The following PHF21B variants were observed in gnomAD, a reference collection of about 807,000 sequenced individuals.
The protein encoded by PHF21B is PHD finger protein 21B.
PHF21B carries 22 observed loss-of-function variants against 62.2 expected under a neutral mutation model. The ratio of observed to expected loss-of-function variants is 0.35; its 90% CI spans 0.25 to 0.51. PHF21B has a LOEUF of 0.51. PHF21B is among the 20% of genes least tolerant of loss of function. PHF21B has a pLI of 0.97. For synonymous variants in PHF21B, 341 were observed against 314.7 expected (o/e 1.08, Z -0.88); for missense variants, 701 against 707.9 (o/e 0.99, Z 0.11).
intron 2 of PHF21B, among the ~76,000 whole-genome samples, chr22:44,922,721 T>A (rs868315709): frequency 6.6e-6 from 1 of 152,136 alleles, no homozygotes; most frequent in Non-Finnish European, 1.5e-5. Context: ...CCATTTGCAA[T>A]AGCATCAATA....
At chr22:44,983,376 A>C (rs1447353542) in intron 2 of PHF21B, among the ~76,000 whole-genome samples, 1 of 152,084 alleles carries the variant, frequency 6.6e-6, no homozygotes, top group African/African-American at 2.4e-5. Context: ...GCTCTTAGGG[A>C]GGTCCAGCTG....
At chr22:44,895,049 G>T (rs1023079332) in intron 6 of PHF21B, among the ~76,000 whole-genome samples, 2 of 152,228 alleles carry the variant, frequency 1.3e-5, no homozygotes, top group African/African-American at 4.8e-5. Flanking sequence ...GAAGAGGAAC[G>T]CTAGGCGAAC....
At chr22:44,938,440 G>A (rs760962188) in intron 2 of PHF21B, among the ~76,000 whole-genome samples, 6 of 152,206 alleles carry the variant, frequency 3.9e-5, no homozygotes, top group Non-Finnish European at 8.8e-5. Flanking sequence ...CTCCATGTTG[G>A]CCAGGCTGGT....
intron 2 of PHF21B, among the ~76,000 whole-genome samples, chr22:44,955,677 C>T (rs1028115625): frequency 6.6e-6 from 1 of 152,198 alleles, no homozygotes; most frequent in Non-Finnish European, 1.5e-5. Flanking sequence ...ACCCACCAGA[C>T]CCTCAGGCCT....
Position 44,933,349 on chromosome 22 carries a change from G to A in PHF21B, c.121-12859C>T, listed in dbSNP as rs982528391. On this transcript the variant is annotated intron_variant, in intron 2 of 12. Coordinates refer to ENST00000313237, the MANE Select transcript of PHF21B (RefSeq NM_138415.5). Reference sequence around the variant, plus strand: ...TGGTCTCGAACTCCCGCCATCAGGGGATCCGTCCGCCTCGGCCTCCGAAAG... The same window carrying A: ...TGGTCTCGAACTCCCGCCATCAGGGAATCCGTCCGCCTCGGCCTCCGAAAG... 3.8e-5 allele frequency: 22 copies of A among 573,230 alleles called. No homozygotes were observed. The Middle Eastern group carries it at 2.7e-3, about 69-fold the overall frequency. The allele number at this position is 573,230 out of a possible 1,614,324, so 35.5% of individuals were successfully genotyped here.
rs189063159 is a variant in PHF21B at position 44,897,546 on chromosome 22, C to A, written c.832-1463G>T. Among the ~76,000 whole-genome samples, 404 of 152,230 alleles carry A rather than the reference C, an allele frequency of 2.7e-3. 2 individuals carry two copies. Among genetic ancestry groups the A allele is most frequent in the African/African-American group, 9.4e-3 (389 of 41,520 alleles). On this transcript the variant is annotated intron_variant, in intron 5 of 12. Coordinates refer to ENST00000313237, the MANE Select transcript of PHF21B (RefSeq NM_138415.5). Reference sequence around the variant, plus strand: ...ACAACTCCTGGAGCCTCACTCAAGGCCGGCCACAGAGTAGGTGCTCGTGAG... The same window carrying A: ...ACAACTCCTGGAGCCTCACTCAAGGACGGCCACAGAGTAGGTGCTCGTGAG...
chr22:44,979,348 C>T (rs1372480231), intron 2 of PHF21B, among the ~76,000 whole-genome samples: 1 of 152,212 alleles, frequency 6.6e-6, no homozygotes, highest in Non-Finnish European at 1.5e-5. Flanking sequence ...GCCAACACTC[C>T]AGAGGCTGTC....
At chr22:44,977,289 C>A (rs77364102) in intron 2 of PHF21B, among the ~76,000 whole-genome samples, 10,700 of 151,870 alleles carry the variant, frequency 0.07, 511 homozygotes, top group South Asian at 0.12. Context: ...AGGCCAGGCA[C>A]GGTGGTGGCT....
At chr22:44,920,521 A>T in intron 2 of PHF21B, 31 bp from the exon 3 acceptor site, 1 of 1,561,650 alleles carries the variant, frequency 6.4e-7, no homozygotes, top group Non-Finnish European at 8.7e-7. Flanking sequence ...ACGCTGAGAC[A>T]GGAGGAGCAG....
chr22:44,930,517 T>G (rs1404237818), intron 2 of PHF21B, among the ~76,000 whole-genome samples: 1 of 113,818 alleles, frequency 8.8e-6, no homozygotes, highest in Non-Finnish European at 1.7e-5. Context: ...ATGTTACCAG[T>G]GGGCAGTCAG....
chr22:44,916,676 G>A, intron 3 of PHF21B, 46 bp from the exon 4 acceptor site: 1 of 1,559,540 alleles, frequency 6.4e-7, no homozygotes, highest in Non-Finnish European at 8.7e-7. Context: ...AGACACACAG[G>A]AGTGCAGGGG....
intron 2 of PHF21B, among the ~76,000 whole-genome samples, chr22:44,990,777 T>C (rs1216099515): frequency 1.3e-5 from 2 of 152,222 alleles, no homozygotes; most frequent in African/African-American, 4.8e-5. Context: ...CGTGAATATA[T>C]CTAATGTTGC....
At chr22:44,974,139 T>G (rs1390359633) in intron 2 of PHF21B, among the ~76,000 whole-genome samples, 1 of 152,048 alleles carries the variant, frequency 6.6e-6, no homozygotes, top group Non-Finnish European at 1.5e-5. Context: ...TGCGGCCAGG[T>G]GCGGTGGCTC....
intron 2 of PHF21B, among the ~76,000 whole-genome samples, chr22:44,983,300 G>C (rs2072876884): frequency 6.6e-6 from 1 of 152,046 alleles, no homozygotes; most frequent in Non-Finnish European, 1.5e-5. Flanking sequence ...GGGAAAGCGA[G>C]TTGGGCTCCT....
intron 2 of PHF21B, chr22:44,933,407 G>A (rs946106688): frequency 6.3e-6 from 6 of 957,944 alleles, no homozygotes; most frequent in African/African-American, 5.3e-5. Context: ...CACTGCGCTC[G>A]GCCTCTTCTA....
chr22:45,002,232 T>C (rs1163421023), intron 2 of PHF21B, among the ~76,000 whole-genome samples: 1 of 152,228 alleles, frequency 6.6e-6, no homozygotes, highest in Non-Finnish European at 1.5e-5. Context: ...TATTTGTCAT[T>C]ATACGTTACA....
intron 2 of PHF21B, among the ~76,000 whole-genome samples, chr22:44,974,132 G>GGTGCGGT (rs1389210578): frequency 1.3e-5 from 2 of 152,112 alleles, no homozygotes; most frequent in East Asian, 3.9e-4. Flanking sequence ...GTGCATATGC[G>GGTGCGGT]GCCAGGTGCG....
intron 5 of PHF21B, 112 bp downstream of exon 5, chr22:44,913,710 C>T: frequency 1.4e-6 from 2 of 1,409,708 alleles, no homozygotes; most frequent in East Asian, 4.9e-5. Context: ...CAGCTGTGCC[C>T]ACGGCTTGTC....
At position 45,009,186 on chromosome 22, in the gene PHF21B, C is replaced by T; in HGVS notation, c.54+310G>A. 1.6e-5 allele frequency: 7 copies of T among 435,864 alleles called. No individual in the cohort carries two copies. Among genetic ancestry groups the T allele is most frequent in the Admixed American group, 4.8e-5 (1 of 20,986 alleles). The allele number at this position is 435,864 out of a possible 1,614,324, so 27.0% of individuals were successfully genotyped here. On this transcript the variant is annotated intron_variant, in intron 1 of 12. Coordinates refer to ENST00000313237, the MANE Select transcript of PHF21B (RefSeq NM_138415.5). This position sits in a 1 kb window ranked among gnomAD's most constrained non-coding sequence, Gnocchi z 5.9. Reference sequence around the variant, plus strand: ...CTATTCGCACTCCCCTCCCCGGGACCGGCTCACGAAGGGGCCCCCTCCAGG... The same window carrying T: ...CTATTCGCACTCCCCTCCCCGGGACTGGCTCACGAAGGGGCCCCCTCCAGG...
Sources: allele counts gnomAD v4.1 joint callset (sites outside exome capture counted in the v4.1 genomes callset), GRCh38; gene constraint gnomAD v4.1.1; non-coding constraint Gnocchi (gnomAD v3.1); transcripts MANE v1.5; gene names NCBI Gene and HGNC (gene_info 2026-07-23, HGNC 2026-07-21).